The following ANKS1B variants were observed in gnomAD, a reference collection of about 807,000 sequenced individuals.
ANKS1B encodes ankyrin repeat and sterile alpha motif domain containing 1B.
A neutral mutation model predicts 148.3 loss-of-function variants in ANKS1B; 36 were observed. That is an observed-to-expected ratio of 0.24 (90% CI 0.19 to 0.32). ANKS1B has a LOEUF of 0.32. Ranked by LOEUF, ANKS1B falls within the 10% of genes least tolerant of loss-of-function variation. The pLI, the probability that ANKS1B is intolerant of heterozygous loss-of-function variation, is 1.00. For missense variants in ANKS1B, 1,157 were observed against 1,542.6 expected (o/e 0.75, Z 4.19); for synonymous variants, 542 against 560.8 (o/e 0.97, Z 0.47).
At chr12:99,274,909 A>G (rs2077488901) in intron 12 of ANKS1B, among the ~76,000 whole-genome samples, 1 of 152,242 alleles carries the variant, frequency 6.6e-6, no homozygotes, top group African/African-American at 2.4e-5. Context: ...AGAACAGTAC[A>G]CAGGACTTCT....
chr12:99,843,843 C>T (rs902366977), intron 1 of ANKS1B, among the ~76,000 whole-genome samples: 2 of 152,094 alleles, frequency 1.3e-5, no homozygotes, highest in African/African-American at 4.8e-5. Flanking sequence ...CTGTCTTCCA[C>T]AATGTTGAAC....
chr12:99,534,250 T>G (rs995509406), intron 9 of ANKS1B, among the ~76,000 whole-genome samples: 1 of 152,254 alleles, frequency 6.6e-6, no homozygotes, highest in African/African-American at 2.4e-5. Context: ...AACAACTGAA[T>G]GAGAAGTGAA....
Position 99,505,527 on chromosome 12 carries a change from A to G in ANKS1B, c.1273-886T>C, listed in dbSNP as rs74240135. On this transcript the variant is annotated intron_variant, in intron 9 of 26. Coordinates refer to ENST00000683438, the MANE Select transcript of ANKS1B (RefSeq NM_001352186.2). ...TATTCTAAAAATTAGAATTTATTTC[A>G]TTTTATAAGATTTTGATTTCCTGTA... Among the ~76,000 whole-genome samples the G allele has an allele frequency of 4.8e-3, 722 of 151,152 alleles. 33 individuals carry two copies. In the South Asian group the frequency reaches 0.07, roughly 15 times the overall value.
intron 17 of ANKS1B, among the ~76,000 whole-genome samples, chr12:98,872,440 A>G (rs1165028446): frequency 6.6e-6 from 1 of 152,222 alleles, no homozygotes; most frequent in East Asian, 1.9e-4. Flanking sequence ...TCGGGACGCT[A>G]AGGCAGGAGA....
chr12:99,682,323 TC>T (rs1244346556), intron 8 of ANKS1B, among the ~76,000 whole-genome samples: 7 of 152,128 alleles, frequency 4.6e-5, no homozygotes, highest in African/African-American at 1.7e-4. Context: ...CTATCCATCA[TC>T]ACATGGAACA....
intron 17 of ANKS1B, among the ~76,000 whole-genome samples, chr12:99,044,450 G>A (rs1309878140): frequency 6.6e-6 from 1 of 151,424 alleles, no homozygotes; most frequent in African/African-American, 2.4e-5. Flanking sequence ...ATGAGGGTTT[G>A]GACAAGGCTG....
intron 9 of ANKS1B, among the ~76,000 whole-genome samples, chr12:99,603,920 A>G (rs1004676563): frequency 6.6e-5 from 10 of 152,200 alleles, no homozygotes; most frequent in African/African-American, 2.4e-4. Flanking sequence ...TTTATTCATT[A>G]GAGTTGTGGA....
chr12:99,939,688 T>C (rs923835371), intron 1 of ANKS1B, among the ~76,000 whole-genome samples: 18 of 152,226 alleles, frequency 1.2e-4, no homozygotes, highest in African/African-American at 4.3e-4. Context: ...CTTTTTATTA[T>C]TCAACATTGA....
chr12:99,605,573 G>A (rs2097845723), intron 9 of ANKS1B, among the ~76,000 whole-genome samples: 1 of 152,036 alleles, frequency 6.6e-6, no homozygotes, highest in South Asian at 2.1e-4. Context: ...ATATGAGTGA[G>A]AATATGTAGC....
intron 12 of ANKS1B, among the ~76,000 whole-genome samples, chr12:99,369,884 A>C (rs2093027645): frequency 1.3e-5 from 2 of 152,012 alleles, no homozygotes; most frequent in Non-Finnish European, 2.9e-5. Flanking sequence ...AGATAGATAG[A>C]TAGATAGATA....
chr12:99,337,501 C>T (rs1439689103), intron 12 of ANKS1B, among the ~76,000 whole-genome samples: 2 of 152,038 alleles, frequency 1.3e-5, no homozygotes, highest in African/African-American at 4.8e-5. Context: ...TCACTGGTAT[C>T]TTATTTAGTT....
chr12:99,913,478 T>C (rs2094071223), intron 1 of ANKS1B, among the ~76,000 whole-genome samples: 1 of 152,148 alleles, frequency 6.6e-6, no homozygotes, highest in Non-Finnish European at 1.5e-5. Flanking sequence ...ATAAATAATA[T>C]AGTTTCTTTT....
intron 8 of ANKS1B, among the ~76,000 whole-genome samples, chr12:99,711,222 T>C (rs1225129161): frequency 1.3e-5 from 2 of 152,214 alleles, no homozygotes; most frequent in Non-Finnish European, 2.9e-5. Context: ...CCTTATAAAC[T>C]GGAATGCACC....
chr12:99,226,278 A>G (rs2153944792), intron 14 of ANKS1B, among the ~76,000 whole-genome samples: 1 of 152,326 alleles, frequency 6.6e-6, no homozygotes, highest in African/African-American at 2.4e-5. Flanking sequence ...TTCTTATAAT[A>G]AAAGTTTGAC....
chr12:99,451,565 G>A (rs183938798), intron 10 of ANKS1B, among the ~76,000 whole-genome samples: 3 of 152,286 alleles, frequency 2.0e-5, no homozygotes, highest in South Asian at 4.1e-4. Context: ...AGAGAGATGG[G>A]AAAGAGGCAC....
chr12:99,171,911 G>T (rs908015351), intron 14 of ANKS1B, among the ~76,000 whole-genome samples: 2 of 152,080 alleles, frequency 1.3e-5, no homozygotes, highest in Non-Finnish European at 2.9e-5. Context: ...CAGCCTCAAA[G>T]ATTTTAGAGT....
At chr12:99,185,293 G>T (rs1405453462) in intron 14 of ANKS1B, among the ~76,000 whole-genome samples, 2 of 152,164 alleles carry the variant, frequency 1.3e-5, no homozygotes, top group Non-Finnish European at 2.9e-5. Flanking sequence ...AGCCTCAAAG[G>T]AATAAAATAA....
chr12:99,067,298 C>A (rs886808220), intron 16 of ANKS1B, among the ~76,000 whole-genome samples: 1 of 152,132 alleles, frequency 6.6e-6, no homozygotes, highest in Non-Finnish European at 1.5e-5. Context: ...GTGGCATTGG[C>A]AGAACATTCA....
intron 8 of ANKS1B, among the ~76,000 whole-genome samples, chr12:99,674,828 A>G (rs1164867573): frequency 1.3e-5 from 2 of 151,870 alleles, no homozygotes; most frequent in Non-Finnish European, 1.5e-5. Flanking sequence ...CTAAAATTCT[A>G]AAACACGTGA....
Sources: allele counts gnomAD v4.1 joint callset (sites outside exome capture counted in the v4.1 genomes callset), GRCh38; gene constraint gnomAD v4.1.1; transcripts MANE v1.5; gene names NCBI Gene and HGNC (gene_info 2026-07-23, HGNC 2026-07-21).